Variants in IGSF3 observed in about 807,000 individuals in gnomAD.
IGSF3 encodes the protein glu-Trp-Ile EWI motif-containing protein 3.
A neutral mutation model predicts 114.4 loss-of-function variants in IGSF3; 23 were observed. The ratio of observed to expected loss-of-function variants is 0.20; its 90% CI spans 0.14 to 0.28. The LOEUF is 0.28. Among genes scored for constraint, IGSF3 ranks in the 10% least tolerant of loss-of-function variants. The pLI is 1.00. For missense variants in IGSF3, 1,172 were observed against 1,591.5 expected (o/e 0.74, Z 4.48); for synonymous variants, 571 against 645.2 (o/e 0.88, Z 1.74).
At position 116,579,585 on chromosome 1, in the gene IGSF3, A is replaced by T; in HGVS notation, c.3141T>A (p.Ser1047Arg). The change falls in exon 10 of 11, where the codon AGT becomes AGA. Residue 1047 changes from serine (S) to arginine (R), a missense_variant. Ser to Arg is a moderately radical substitution (Grantham distance 110). Coordinates refer to ENST00000369486, the MANE Select transcript of IGSF3 (RefSeq NM_001007237.3). This position sits in a 1 kb window ranked among gnomAD's most constrained non-coding sequence, Gnocchi z 6.4. ...GPDAVFGPEG[S>R]PWEGRLRFQR... ...GGAAGCGAAGCCTGCCCTCCCAAGGACTGCCCTCTGGGCCAAAGACAGCAT... is the reference window on the plus strand; with the variant it reads ...GGAAGCGAAGCCTGCCCTCCCAAGGTCTGCCCTCTGGGCCAAAGACAGCAT... 1 of 1,614,152 alleles carries T rather than the reference A, an allele frequency of 6.2e-7. No homozygotes were observed. The highest frequency in any genetic ancestry group is 8.5e-7 in the Non-Finnish European group (1 of 1,180,034).
rs1447416316 is a variant in IGSF3, at chr1:116,585,744, A to G, written c.2441-692T>C. Reference sequence around the variant, plus strand: ...TGAGACCAGCCTGGCCAACACAATGAAACCCCATCTCTACTAAAAATACAA... The same window carrying G: ...TGAGACCAGCCTGGCCAACACAATGGAACCCCATCTCTACTAAAAATACAA... On this transcript the variant is annotated intron_variant, in intron 8 of 10. Transcript: ENST00000369486. The surrounding 1 kb of genome is among the most constrained non-coding windows in gnomAD (Gnocchi z 4.9). Among the ~76,000 whole-genome samples the G allele has an allele frequency of 1.3e-4, 20 of 152,064 alleles. No individual in the cohort carries two copies. Among genetic ancestry groups the G allele is most frequent in the Non-Finnish European group, 1.5e-4 (10 of 68,000 alleles).
rs138452942 is a variant in IGSF3, at chr1:116,614,301, G to T, written c.422-126C>A. On this transcript the variant is annotated intron_variant, in intron 3 of 10. Transcript: ENST00000369486. The surrounding 1 kb of genome is among the most constrained non-coding windows in gnomAD (Gnocchi z 4.5). ...CCCTAACAGTCATCCTTGAACCATC[G>T]ATTCAAGGCCACAGACAGCCCCAAA... is the stretch of plus-strand genomic sequence containing the variant. The T allele has an allele frequency of 1.4e-6, 1 of 721,040 alleles. No individual in the cohort carries two copies. Among genetic ancestry groups the T allele is most frequent in the African/African-American group, 1.8e-5 (1 of 56,346 alleles). The allele number at this position is 721,040 out of a possible 1,614,324, so 44.7% of individuals were successfully genotyped here.
At chr1:116,580,008 G>T in intron 9 of IGSF3, 131 bp from the exon 10 acceptor site, 1 of 856,698 alleles carries the variant, frequency 1.2e-6, no homozygotes, top group Non-Finnish European at 1.7e-6. Context: ...TATTGAAAAG[G>T]CATAGGCAGT....
In IGSF3 at chr1:116,575,257, G is replaced by A. The variant is rs899978899; in HGVS notation, c.*2055C>T. On this transcript the variant is annotated 3_prime_UTR_variant, in exon 11 of 11. Transcript: ENST00000369486. This position sits in a 1 kb window ranked among gnomAD's most constrained non-coding sequence, Gnocchi z 5.6. ...CTTTTTTCATGACTGAGCCGCTCCT[G>A]TACCTCTAATGTGTTGATGCAGCAT... The A allele has an allele frequency of 6.6e-6, 1 of 152,628 alleles. No homozygotes were observed. Among genetic ancestry groups the A allele is most frequent in the African/African-American group, 2.4e-5 (1 of 41,452 alleles). 9.5% of individuals were successfully genotyped at this position (152,628 alleles called of 1,614,324 possible).
In IGSF3 at chr1:116,616,919, G is replaced by T. The variant is rs1466157481; in HGVS notation, c.44-462C>A. On this transcript the variant is annotated intron_variant, in intron 2 of 10. Coordinates refer to ENST00000369486, the MANE Select transcript of IGSF3 (RefSeq NM_001007237.3). The surrounding 1 kb of genome is among the most constrained non-coding windows in gnomAD (Gnocchi z 6.6). ...TCCTTGGTCTGAGCGCTGGTGGGAG[G>T]GAGTCCTGGGAGCACCTTTTTACTG... Among the ~76,000 whole-genome samples, 1 of 152,074 alleles carries T rather than the reference G, an allele frequency of 6.6e-6. No homozygotes were observed. Among genetic ancestry groups the T allele is most frequent in the Non-Finnish European group, 1.5e-5 (1 of 68,020 alleles).
chr1:116,584,584 A>AG lies in IGSF3; in HGVS notation c.2848+60_2848+61insC. 2 of 1,527,560 alleles carry AG rather than the reference A, an allele frequency of 1.3e-6. No homozygotes were observed. Among genetic ancestry groups the AG allele is most frequent in the South Asian group, 2.2e-5 (2 of 88,892 alleles). 94.6% of individuals were successfully genotyped at this position (1,527,560 alleles called of 1,614,324 possible). ...TAAACTAATTTTATCCAGTGCATAA[A>AG]ACAGTATACTTAAATGGGAAACACC... On this transcript the variant is annotated intron_variant, in intron 9 of 10. Coordinates refer to ENST00000369486, the MANE Select transcript of IGSF3 (RefSeq NM_001007237.3). This position sits in a 1 kb window ranked among gnomAD's most constrained non-coding sequence, Gnocchi z 5.8.
rs1321539045 is a variant in IGSF3 at position 116,598,775 on chromosome 1, C to A, written c.2029+1166G>T. 6.6e-6 allele frequency among the ~76,000 whole-genome samples: 1 copy of A among 152,194 alleles called. No homozygotes were observed. The highest frequency in any genetic ancestry group is 2.4e-5 in the African/African-American group (1 of 41,448). On this transcript the variant is annotated intron_variant, in intron 7 of 10. Transcript: ENST00000369486. The surrounding 1 kb of genome is among the most constrained non-coding windows in gnomAD (Gnocchi z 4.3). Reference sequence around the variant, plus strand: ...CTGGGCGAGGGAAGGAACACGGGAGCCTACTGCCTGGGCTCCACCCTCCAC... The same window carrying A: ...CTGGGCGAGGGAAGGAACACGGGAGACTACTGCCTGGGCTCCACCCTCCAC...
chr1:116,640,750 A>C (rs1191637958), intron 2 of IGSF3, among the ~76,000 whole-genome samples: 1 of 152,198 alleles, frequency 6.6e-6, no homozygotes, highest in African/African-American at 2.4e-5. Flanking sequence ...ATATTCTTGT[A>C]AATCTTCATC....
At chr1:116,621,473 A>G (rs1329989015) in intron 2 of IGSF3, among the ~76,000 whole-genome samples, 1 of 152,134 alleles carries the variant, frequency 6.6e-6, no homozygotes, top group Non-Finnish European at 1.5e-5. Flanking sequence ...TTTCCCCCCA[A>G]CAACATCTTG....
At position 116,655,677 on chromosome 1, in the gene IGSF3, CT is replaced by C. The variant is rs1301319870; in HGVS notation, c.43+10606del. ...CTTGGGAATTGAAAACACACGAAAA[CT>C]TTTTTTCTGGTCCATGAACAAACAA... On this transcript the variant is annotated intron_variant, in intron 2 of 10. Transcript: ENST00000369486. This position sits in a 1 kb window ranked among gnomAD's most constrained non-coding sequence, Gnocchi z 4.3. 1.3e-5 allele frequency among the ~76,000 whole-genome samples: 2 copies of C among 152,134 alleles called. No homozygotes were observed. Among genetic ancestry groups the C allele is most frequent in the African/African-American group, 4.8e-5 (2 of 41,418 alleles).
At position 116,629,071 on chromosome 1, in the gene IGSF3, A is replaced by G. The variant is rs997697115; in HGVS notation, c.44-12614T>C. The stretch of plus-strand genomic sequence containing the variant: ...AAAAGAAGGTACAAGAATGAGCACT[A>G]TACCATAGGGGGGTGGGTCACAAAA... On this transcript the variant is annotated intron_variant, in intron 2 of 10. Transcript: ENST00000369486. The surrounding 1 kb of genome is among the most constrained non-coding windows in gnomAD (Gnocchi z 4.3). Among the ~76,000 whole-genome samples, 21 of 152,356 alleles carry G rather than the reference A, an allele frequency of 1.4e-4. No individual in the cohort carries two copies. Among genetic ancestry groups the G allele is most frequent in the Admixed American group, 4.6e-4 (7 of 15,306 alleles).
rs1208944327 is a variant in IGSF3, at chr1:116,618,979, A to T, written c.44-2522T>A. Reference sequence around the variant, plus strand: ...GCTTTAAAGAACTAACAGTGCCTGGACCCCACCTGACATAACTGGTCTTAG... The same window carrying T: ...GCTTTAAAGAACTAACAGTGCCTGGTCCCCACCTGACATAACTGGTCTTAG... On this transcript the variant is annotated intron_variant, in intron 2 of 10. Transcript: ENST00000369486. This position sits in a 1 kb window ranked among gnomAD's most constrained non-coding sequence, Gnocchi z 4.7. Among the ~76,000 whole-genome samples, 1 of 152,100 alleles carries T rather than the reference A, an allele frequency of 6.6e-6. No homozygotes were observed. Among genetic ancestry groups the T allele is most frequent in the Non-Finnish European group, 1.5e-5 (1 of 68,008 alleles).
chr1:116,632,372 C>T lies in IGSF3; in HGVS notation c.44-15915G>A, dbSNP rs949336140. Among the ~76,000 whole-genome samples, 2 of 152,086 alleles carry T rather than the reference C, an allele frequency of 1.3e-5. No homozygotes were observed. The highest frequency in any genetic ancestry group is 2.1e-4 in the South Asian group (1 of 4,824). ...ATCTGTGGGGGGAAGAAGGGGTGGGCGTGCTAGCATCTCTCAGCTAGACTG... is the reference window on the plus strand; with the variant it reads ...ATCTGTGGGGGGAAGAAGGGGTGGGTGTGCTAGCATCTCTCAGCTAGACTG... On this transcript the variant is annotated intron_variant, in intron 2 of 10. Coordinates refer to ENST00000369486, the MANE Select transcript of IGSF3 (RefSeq NM_001007237.3). The surrounding 1 kb of genome is among the most constrained non-coding windows in gnomAD (Gnocchi z 5.1).
In IGSF3 at chr1:116,633,319, G is replaced by A. The variant is rs1472797650; in HGVS notation, c.44-16862C>T. Among the ~76,000 whole-genome samples, 4 of 152,182 alleles carry A rather than the reference G, an allele frequency of 2.6e-5. No homozygotes were observed. The highest frequency in any genetic ancestry group is 9.7e-5 in the African/African-American group (4 of 41,440). Reference sequence around the variant, plus strand: ...CCATTCCAGGAAGTCCAGCAGAGTTGGTTTTGGTTTGGGGGTGTTTTTTGA... The same window carrying A: ...CCATTCCAGGAAGTCCAGCAGAGTTAGTTTTGGTTTGGGGGTGTTTTTTGA... On this transcript the variant is annotated intron_variant, in intron 2 of 10. Transcript: ENST00000369486. This position sits in a 1 kb window ranked among gnomAD's most constrained non-coding sequence, Gnocchi z 4.3.
chr1:116,576,902 G>A lies in IGSF3; in HGVS notation c.*410C>T, dbSNP rs1659365467. 1 of 159,460 alleles carries A rather than the reference G, an allele frequency of 6.3e-6. No individual in the cohort carries two copies. The highest frequency in any genetic ancestry group is 2.4e-5 in the African/African-American group (1 of 41,528). 9.9% of individuals were successfully genotyped at this position (159,460 alleles called of 1,614,324 possible). ...TTCGCCCTTCCTTTTGCTGTCAGTT[G>A]TACGTAAGAGAAATTCGTCCACATT... On this transcript the variant is annotated 3_prime_UTR_variant, in exon 11 of 11. Coordinates refer to ENST00000369486, the MANE Select transcript of IGSF3 (RefSeq NM_001007237.3). This position sits in a 1 kb window ranked among gnomAD's most constrained non-coding sequence, Gnocchi z 4.6.
Position 116,625,122 on chromosome 1 carries a change from G to T in IGSF3, c.44-8665C>A, listed in dbSNP as rs1273730639. On this transcript the variant is annotated intron_variant, in intron 2 of 10. Transcript: ENST00000369486. This position sits in a 1 kb window ranked among gnomAD's most constrained non-coding sequence, Gnocchi z 4.7. ...AAAGGTAACAAGAACATATGCTATGGCTTCAATCAACATTTTTTTCAGTAC... is the reference window on the plus strand; with the variant it reads ...AAAGGTAACAAGAACATATGCTATGTCTTCAATCAACATTTTTTTCAGTAC... Among the ~76,000 whole-genome samples, 1 of 152,176 alleles carries T rather than the reference G, an allele frequency of 6.6e-6. No homozygotes were observed. Among genetic ancestry groups the T allele is most frequent in the African/African-American group, 2.4e-5 (1 of 41,436 alleles).
chr1:116,615,801 CCTTAT>C lies in IGSF3; in HGVS notation c.421+274_421+278del, dbSNP rs1256237632. Among the ~76,000 whole-genome samples the C allele has an allele frequency of 1.3e-5, 2 of 152,192 alleles. No individual in the cohort carries two copies. The highest frequency in any genetic ancestry group is 4.8e-5 in the African/African-American group (2 of 41,438). On this transcript the variant is annotated intron_variant, in intron 3 of 10. Transcript: ENST00000369486. The surrounding 1 kb of genome is among the most constrained non-coding windows in gnomAD (Gnocchi z 4.3). ...AGATCATCAACCACAAACATCCTTG[CCTTAT>C]ATTTTCATATCCCTTTTCACCAGTT...
chr1:116,637,102 C>T (rs189107302), intron 2 of IGSF3, among the ~76,000 whole-genome samples: 4 of 152,308 alleles, frequency 2.6e-5, no homozygotes, highest in Non-Finnish European at 4.4e-5. Context: ...CTCCCATCAA[C>T]GAGTCCAGCG....
chr1:116,644,552 C>A lies in IGSF3; in HGVS notation c.43+21732G>T, dbSNP rs4080133. On this transcript the variant is annotated intron_variant, in intron 2 of 10. Transcript: ENST00000369486. This position sits in a 1 kb window ranked among gnomAD's most constrained non-coding sequence, Gnocchi z 5.6. ...AGTAGGTGCCGTGAAAGCCAGGAAGCGAACTGCACAGAATGGACTGTTCCA... is the reference window on the plus strand; with the variant it reads ...AGTAGGTGCCGTGAAAGCCAGGAAGAGAACTGCACAGAATGGACTGTTCCA... Among the ~76,000 whole-genome samples the A allele has an allele frequency of 6.6e-6, 1 of 152,200 alleles. No homozygotes were observed. The highest frequency in any genetic ancestry group is 1.5e-5 in the Non-Finnish European group (1 of 68,034).
Sources: gnomAD v4.1 joint callset for allele counts (sites outside exome capture counted in the v4.1 genomes callset) on GRCh38, gnomAD v4.1.1 for gene constraint, Gnocchi (gnomAD v3.1) non-coding constraint, MANE v1.5 for transcripts, NCBI Gene and HGNC (gene_info 2026-07-23, HGNC 2026-07-21) for gene names.